Variants in KHDRBS3 observed in about 807,000 individuals in gnomAD.
KHDRBS3 encodes the protein KH RNA binding domain containing, signal transduction associated 3.
A neutral mutation model predicts 45.6 loss-of-function variants in KHDRBS3; 23 were observed. The ratio of observed to expected loss-of-function variants is 0.50; its 90% CI spans 0.36 to 0.72. The LOEUF is 0.72. Among genes scored for constraint, KHDRBS3 ranks in the 30% least tolerant of loss-of-function variants. The pLI is 0.00. For missense variants in KHDRBS3, 352 were observed against 424.8 expected (o/e 0.83, Z 1.51); for synonymous variants, 162 against 156.5 (o/e 1.04, Z -0.26).
At chr8:135,465,830 T>G (rs1456078742) in intron 1 of KHDRBS3, among the ~76,000 whole-genome samples, 1 of 152,220 alleles carries the variant, frequency 6.6e-6, no homozygotes, top group Non-Finnish European at 1.5e-5. Flanking sequence ...ATGTTCTTCG[T>G]TGATATGATA....
intron 6 of KHDRBS3, among the ~76,000 whole-genome samples, chr8:135,600,946 G>C (rs1419129227): frequency 6.6e-6 from 1 of 152,146 alleles, no homozygotes; most frequent in Non-Finnish European, 1.5e-5. Context: ...AAAACAGTCT[G>C]CCCACCTCAG....
chr8:135,628,810 A>G (rs1830478849), intron 7 of KHDRBS3, among the ~76,000 whole-genome samples: 1 of 152,212 alleles, frequency 6.6e-6, no homozygotes, highest in Admixed American at 6.5e-5. Flanking sequence ...AGCTTTGTGG[A>G]GAATAAAATA....
intron 1 of KHDRBS3, among the ~76,000 whole-genome samples, chr8:135,518,089 G>A (rs533560147): frequency 9.2e-5 from 14 of 152,238 alleles, no homozygotes; most frequent in African/African-American, 1.2e-4. Context: ...AAGGGAAAAC[G>A]TGTGGAATTC....
Position 135,581,925 on chromosome 8 carries a change from G to A in KHDRBS3, c.659G>A (p.Arg220Gln), listed in dbSNP as rs1402838061. ...TARPVGVVVP[R>Q]GTPTPRGVLS... is the part of the protein sequence containing the mutation. The stretch of plus-strand genomic sequence containing the variant: ...CGGCCAGTTGGAGTTGTAGTACCAC[G>A]AGGGACGCCAACTCCCAGAGGAGTC... The change falls in exon 6 of 9, where the codon CGA becomes CAA. Residue 220 changes from arginine (R) to glutamine (Q), a missense_variant. By Grantham distance (43) the Arg-to-Gln change is conservative. Around this residue, in one of 6 missense-constraint regions of KHDRBS3, gnomAD observed 212 missense variants for 209.6 expected, o/e 1.01. Coordinates refer to ENST00000355849, the MANE Select transcript of KHDRBS3 (RefSeq NM_006558.3). The A allele has an allele frequency of 3.7e-6, 6 of 1,611,832 alleles. No individual in the cohort carries two copies. The highest frequency in any genetic ancestry group is 2.2e-5 in the East Asian group (1 of 44,752).
intron 7 of KHDRBS3, among the ~76,000 whole-genome samples, chr8:135,643,159 C>T (rs1240698388): frequency 6.6e-6 from 1 of 152,142 alleles, no homozygotes; most frequent in African/African-American, 2.4e-5. Context: ...CCTAGATTTT[C>T]CAACCTGTTT....
intron 6 of KHDRBS3, among the ~76,000 whole-genome samples, chr8:135,590,791 A>G (rs1828708443): frequency 6.6e-6 from 1 of 152,208 alleles, no homozygotes; most frequent in Non-Finnish European, 1.5e-5. Context: ...TGCCTTAGGG[A>G]TTCTAATCAT....
chr8:135,485,879 C>G (rs987198726), intron 1 of KHDRBS3, among the ~76,000 whole-genome samples: 8 of 113,220 alleles, frequency 7.1e-5, no homozygotes, highest in African/African-American at 3.4e-4. Context: ...TTTTATTTTT[C>G]TAGAGCCTCA....
At chr8:135,576,677 C>T (rs1188520054) in intron 5 of KHDRBS3, among the ~76,000 whole-genome samples, 3 of 152,082 alleles carry the variant, frequency 2.0e-5, no homozygotes, top group Non-Finnish European at 4.4e-5. Context: ...TCAGTCATTT[C>T]TCCAAGAAGC....
At chr8:135,629,007 G>A (rs1206794659) in intron 7 of KHDRBS3, among the ~76,000 whole-genome samples, 3 of 152,178 alleles carry the variant, frequency 2.0e-5, no homozygotes, top group African/African-American at 4.8e-5. Context: ...AAGGCCAGTG[G>A]TTGGGCCACA....
intron 1 of KHDRBS3, among the ~76,000 whole-genome samples, chr8:135,507,958 C>T (rs192555113): frequency 1.3e-5 from 2 of 151,900 alleles, no homozygotes; most frequent in African/African-American, 2.4e-5. Flanking sequence ...CCTGTTTGGC[C>T]GTTTTCAGTT....
chr8:135,621,660 A>G (rs952596728), intron 7 of KHDRBS3, among the ~76,000 whole-genome samples: 3 of 151,490 alleles, frequency 2.0e-5, no homozygotes, highest in Non-Finnish European at 4.4e-5. Context: ...ATAGATGACC[A>G]TTCTACCAGG....
At chr8:135,461,262 G>A (rs1563693378) in intron 1 of KHDRBS3, among the ~76,000 whole-genome samples, 1 of 152,060 alleles carries the variant, frequency 6.6e-6, no homozygotes, top group Non-Finnish European at 1.5e-5. Flanking sequence ...GCGCCACCAT[G>A]CCTGGTTAAT....
chr8:135,646,473 G>A (rs760699082), intron 8 of KHDRBS3, among the ~76,000 whole-genome samples: 2 of 152,144 alleles, frequency 1.3e-5, no homozygotes, highest in Non-Finnish European at 2.9e-5. Flanking sequence ...CAGTCTTTCC[G>A]TGAAAGCGCC....
chr8:135,557,648 T>C, intron 5 of KHDRBS3, 61 bp downstream of exon 5: 1 of 1,284,828 alleles, frequency 7.8e-7, no homozygotes, highest in Non-Finnish European at 1.1e-6. Flanking sequence ...ATTTCCTTTA[T>C]TAGTAGCCAA....
rs386414089 is a variant in KHDRBS3, at chr8:135,494,273, ATTTTTT to A, written c.89-26946_89-26941del. The stretch of plus-strand genomic sequence containing the variant: ...TATTTTTTCCTCTTCTGTTTCTCTT[ATTTTTT>A]TTTTTTTTTTTTTTTTTGAGACAGA... On this transcript the variant is annotated intron_variant, in intron 1 of 8. Coordinates refer to ENST00000355849, the MANE Select transcript of KHDRBS3 (RefSeq NM_006558.3). Among the ~76,000 whole-genome samples the A allele has an allele frequency of 9.2e-4, 72 of 78,630 alleles. 1 individual carries two copies. In the East Asian group the frequency reaches 0.027, roughly 29 times the overall value. The allele number at this position is 78,630 out of a possible 152,430, so 51.6% of individuals were successfully genotyped here. A position where few individuals can be genotyped will look rare whatever the true frequency, so the allele number is the denominator to read the frequency against.
intron 1 of KHDRBS3, among the ~76,000 whole-genome samples, chr8:135,499,758 A>AG (rs1255149823): frequency 6.6e-6 from 1 of 152,140 alleles, no homozygotes; most frequent in Admixed American, 6.5e-5. Context: ...CCCTGCCAGG[A>AG]GGGAGGAGGT....
intron 6 of KHDRBS3, among the ~76,000 whole-genome samples, chr8:135,586,043 G>A (rs941681782): frequency 6.6e-5 from 10 of 152,256 alleles, no homozygotes; most frequent in African/African-American, 2.2e-4. Context: ...AGCTCCTGAA[G>A]GAAACAGAAA....
At position 135,557,598 on chromosome 8, in the gene KHDRBS3, A is replaced by AT. The variant is rs747540427; in HGVS notation, c.611+20dup. On this transcript the variant is annotated intron_variant, in intron 5 of 8. Transcript: ENST00000355849. Reference sequence around the variant, plus strand: ...CCCAGCAATAACCAGGTAGGTGTAAATTTTTTTTTAGGTTAACATACCGTG... The same window carrying AT: ...CCCAGCAATAACCAGGTAGGTGTAAATTTTTTTTTTAGGTTAACATACCGTG... 1.2e-4 allele frequency: 195 copies of AT among 1,587,906 alleles called. No individual in the cohort carries two copies. The highest frequency in any genetic ancestry group is 1.4e-4 in the Non-Finnish European group (165 of 1,162,186).
intron 6 of KHDRBS3, among the ~76,000 whole-genome samples, chr8:135,587,893 T>C (rs1308484019): frequency 2.6e-5 from 4 of 152,226 alleles, no homozygotes; most frequent in African/African-American, 7.2e-5. Context: ...GTAAGATCTT[T>C]TTCATTTCCA....
Sources: allele counts gnomAD v4.1 joint callset (sites outside exome capture counted in the v4.1 genomes callset), GRCh38; gene constraint gnomAD v4.1.1; regional missense constraint gnomAD v4.1.1; transcripts MANE v1.5; gene names NCBI Gene and HGNC (gene_info 2026-07-23, HGNC 2026-07-21).